SMIM13: variants seen among roughly 807,000 people sequenced by gnomAD.
SMIM13 encodes small integral membrane protein 13.
In SMIM13, 3 loss-of-function variants were observed where a neutral mutation model predicts 5.9. That is an observed-to-expected ratio of 0.51 (90% confidence interval 0.23 to 1.31). The LOEUF is 1.31. Ranked by LOEUF, SMIM13 falls within the 40% of genes most tolerant of loss-of-function variation. The pLI is 0.18. For synonymous variants in SMIM13, 55 were observed against 46.0 expected (o/e 1.19, Z -0.79); for missense variants, 85 against 109.9 (o/e 0.77, Z 1.01).
chr6:11,123,289 G>A (rs538910542), intron 1 of SMIM13, among the ~76,000 whole-genome samples: 2 of 152,318 alleles, frequency 1.3e-5, no homozygotes, highest in Admixed American at 1.3e-4. Context: ...CTCAGTTCAC[G>A]AGAACCTTCT....
intron 1 of SMIM13, among the ~76,000 whole-genome samples, chr6:11,096,192 G>T (rs980311999): frequency 2.6e-4 from 39 of 152,262 alleles, no homozygotes; most frequent in South Asian, 1.2e-3. Flanking sequence ...TTCCACAGAC[G>T]GAGCAGGGAT....
intron 1 of SMIM13, among the ~76,000 whole-genome samples, chr6:11,115,996 T>C: frequency 6.9e-6 from 1 of 144,648 alleles, no homozygotes; most frequent in Admixed American, 6.9e-5. Context: ...CGGCCGGCCT[T>C]CCTTCCTTCC....
At chr6:11,107,549 T>C (rs1758104979) in intron 1 of SMIM13, among the ~76,000 whole-genome samples, 1 of 152,214 alleles carries the variant, frequency 6.6e-6, no homozygotes, top group South Asian at 2.1e-4. Flanking sequence ...AGCTGTTGAC[T>C]CCTTCCTTTT....
At chr6:11,133,336 C>T (rs1201688870) in intron 1 of SMIM13, among the ~76,000 whole-genome samples, 1 of 151,930 alleles carries the variant, frequency 6.6e-6, no homozygotes, top group Non-Finnish European at 1.5e-5. Flanking sequence ...ATTAAATCTC[C>T]GAAGTTTGTC....
intron 1 of SMIM13, among the ~76,000 whole-genome samples, chr6:11,119,296 T>A (rs181812183): frequency 9.9e-5 from 15 of 152,278 alleles, no homozygotes; most frequent in Admixed American, 9.8e-4. Context: ...TTTTGAGATG[T>A]CTTCAAACTA....
rs113162214 is a variant in SMIM13 at position 11,115,666 on chromosome 6, T to C, written c.77-18737T>C. 8.8e-3 allele frequency among the ~76,000 whole-genome samples: 1,328 copies of C among 151,256 alleles called. 14 individuals carry two copies. The highest frequency in any genetic ancestry group is 0.019 in the African/African-American group (766 of 41,326). The stretch of plus-strand genomic sequence containing the variant: ...ATCCCATTACCTTTGCCATGTTCTT[T>C]CTTTCTTTCTTTTTTCTTTTCTTTT... On this transcript the variant is annotated intron_variant, in intron 1 of 1. Transcript: ENST00000416247.
intron 1 of SMIM13, among the ~76,000 whole-genome samples, chr6:11,115,188 C>T (rs773579497): frequency 1.3e-5 from 2 of 152,176 alleles, no homozygotes; most frequent in Non-Finnish European, 2.9e-5. Context: ...CATTTACATA[C>T]AATTGCTATA....
At chr6:11,095,309 C>T (rs1233562979) in intron 1 of SMIM13, among the ~76,000 whole-genome samples, 1 of 152,204 alleles carries the variant, frequency 6.6e-6, no homozygotes, top group Non-Finnish European at 1.5e-5. Context: ...TGCACTTGTG[C>T]ATATGCATGT....
intron 1 of SMIM13, among the ~76,000 whole-genome samples, chr6:11,131,545 C>T: frequency 6.6e-6 from 1 of 151,910 alleles, no homozygotes; most frequent in East Asian, 1.9e-4. Context: ...GCTACTGTAA[C>T]CAACATGGTA....
chr6:11,113,988 T>TA lies in SMIM13; in HGVS notation c.76+19601dup, dbSNP rs1554119083. Among the ~76,000 whole-genome samples the TA allele has an allele frequency of 4.5e-3, 682 of 150,726 alleles. 1 individual carries two copies. Among genetic ancestry groups the TA allele is most frequent in the South Asian group, 0.023 (108 of 4,792 alleles). Reference sequence around the variant, plus strand: ...AGTTATTCTTTTTGTTTTTTTTTTTTAATTTTTTTGAGACGGAATCTCACT... The same window carrying TA: ...AGTTATTCTTTTTGTTTTTTTTTTTTAAATTTTTTTGAGACGGAATCTCACT... On this transcript the variant is annotated intron_variant, in intron 1 of 1. Transcript: ENST00000416247.
intron 1 of SMIM13, among the ~76,000 whole-genome samples, chr6:11,099,285 C>T (rs1757962812): frequency 6.6e-6 from 1 of 152,126 alleles, no homozygotes; most frequent in African/African-American, 2.4e-5. Flanking sequence ...AGGGATTCTT[C>T]TGCTTCAGCC....
At chr6:11,107,793 G>A (rs748224448) in intron 1 of SMIM13, among the ~76,000 whole-genome samples, 20 of 152,178 alleles carry the variant, frequency 1.3e-4, no homozygotes, top group Non-Finnish European at 2.1e-4. Context: ...AAGATGGGGT[G>A]TTATAGGGTA....
At chr6:11,104,310 G>A (rs771330382) in intron 1 of SMIM13, 1 of 1,551,742 alleles carries the variant, frequency 6.4e-7, no homozygotes, top group Non-Finnish European at 8.7e-7. Context: ...TATTGGAAGA[G>A]AGAGATTGCC....
At chr6:11,111,399 G>C (rs928512667) in intron 1 of SMIM13, among the ~76,000 whole-genome samples, 1 of 152,186 alleles carries the variant, frequency 6.6e-6, no homozygotes, top group Non-Finnish European at 1.5e-5. Context: ...ATACTACATG[G>C]TTGTAGGTTT....
intron 1 of SMIM13, among the ~76,000 whole-genome samples, chr6:11,116,008 C>CTTTTTT (rs35527082): frequency 2.5e-5 from 2 of 78,490 alleles, no homozygotes; most frequent in Non-Finnish European, 4.7e-5. Context: ...CTTCCTTCCT[C>CTTTTTT]TTTTTTTTTT....
intron 1 of SMIM13, among the ~76,000 whole-genome samples, chr6:11,113,450 C>T (rs575693845): frequency 1.3e-4 from 20 of 152,320 alleles, no homozygotes; most frequent in Middle Eastern, 3.4e-3. Context: ...GTTTTTTCTA[C>T]TCATTTAAAA....
At position 11,094,263 on chromosome 6, in the gene SMIM13, C is replaced by T; in HGVS notation, c.-51C>T. 1.6e-6 allele frequency: 2 copies of T among 1,212,896 alleles called. No homozygotes were observed. The highest frequency in any genetic ancestry group is 2.1e-6 in the Non-Finnish European group (2 of 937,384). 75.1% of individuals were successfully genotyped at this position (1,212,896 alleles called of 1,614,324 possible). On this transcript the variant is annotated 5_prime_UTR_variant, in exon 1 of 2. Coordinates refer to ENST00000416247, the MANE Select transcript of SMIM13 (RefSeq NM_001135575.2). ...CGCAGGACGCGCCGCCGCCCGCGCT[C>T]ACCGCCGTCCGCGCCAGCCGCCCCG...
rs1214387848 is a variant in SMIM13 at position 11,135,739 on chromosome 6, T to G, written c.*1137T>G. On this transcript the variant is annotated 3_prime_UTR_variant, in exon 2 of 2. Transcript: ENST00000416247. ...TTATTTCACACATTTTCTTTACATATGCACAAGATTGATGTGATAAAAATC... is the reference window on the plus strand; with the variant it reads ...TTATTTCACACATTTTCTTTACATAGGCACAAGATTGATGTGATAAAAATC... The G allele has an allele frequency of 6.6e-6, 1 of 152,444 alleles. No homozygotes were observed. The highest frequency in any genetic ancestry group is 1.5e-5 in the Non-Finnish European group (1 of 68,028). The allele number at this position is 152,444 out of a possible 1,614,324, so 9.4% of individuals were successfully genotyped here.
chr6:11,123,608 A>G (rs1379788072), intron 1 of SMIM13, among the ~76,000 whole-genome samples: 23 of 152,216 alleles, frequency 1.5e-4, no homozygotes. Context: ...CAATTTGGCC[A>G]TTAGATGATA....
Sources: gnomAD v4.1 joint callset for allele counts (sites outside exome capture counted in the v4.1 genomes callset) on GRCh38, gnomAD v4.1.1 for gene constraint, MANE v1.5 for transcripts, NCBI Gene and HGNC (gene_info 2026-07-23, HGNC 2026-07-21) for gene names.